Variants in KCNQ1 observed in about 807,000 individuals in gnomAD.
KCNQ1 encodes the protein potassium voltage-gated channel subfamily KQT member 1.
A neutral mutation model predicts 72.4 loss-of-function variants in KCNQ1; 49 were observed. The ratio of observed to expected loss-of-function variants is 0.68; its 90% confidence interval spans 0.54 to 0.86. The LOEUF is 0.86. Among genes scored for constraint, KCNQ1 ranks in the 40% least tolerant of loss-of-function variants. KCNQ1 has a pLI of 0.00. For synonymous variants in KCNQ1, 450 were observed against 412.6 expected (o/e 1.09, Z -1.10); for missense variants, 790 against 945.1 (o/e 0.84, Z 2.15).
Position 2,651,758 on chromosome 11 carries a change from C to A in KCNQ1, c.1394-10203C>A. 2.5e-6 allele frequency: 1 copy of A among 398,628 alleles called. No individual in the cohort carries two copies. The highest frequency in any genetic ancestry group is 2.1e-5 in the African/African-American group (1 of 48,724). The allele number at this position is 398,628 out of a possible 1,614,324, so 24.7% of individuals were successfully genotyped here. A position where few individuals can be genotyped will look rare whatever the true frequency, so the allele number is the denominator to read the frequency against. On this transcript the variant is annotated intron_variant, in intron 10 of 15. Coordinates refer to ENST00000155840, the MANE Select transcript of KCNQ1 (RefSeq NM_000218.3). The surrounding 1 kb of genome is among the most constrained non-coding windows in gnomAD (Gnocchi z 6.1). Reference sequence around the variant, plus strand: ...ACGTTTTCTCTGATTACTGGAAATTCCTCAAGTGTTGACCATTTTGATTCC... The same window carrying A: ...ACGTTTTCTCTGATTACTGGAAATTACTCAAGTGTTGACCATTTTGATTCC...
rs995307089 is a variant in KCNQ1 at position 2,579,894 on chromosome 11, G to A, written c.922-3541G>A. Among the ~76,000 whole-genome samples, 2 of 151,978 alleles carry A rather than the reference G, an allele frequency of 1.3e-5. No homozygotes were observed. Among genetic ancestry groups the A allele is most frequent in the Non-Finnish European group, 2.9e-5 (2 of 67,998 alleles). ...AAGGTGGTCTCGGGTGTCCTTACGC[G>A]AGCAGGTGGCTACCTCACCTGCTCA... is the stretch of plus-strand genomic sequence containing the variant. On this transcript the variant is annotated intron_variant, in intron 6 of 15. Coordinates refer to ENST00000155840, the MANE Select transcript of KCNQ1 (RefSeq NM_000218.3). This position sits in a 1 kb window ranked among gnomAD's most constrained non-coding sequence, Gnocchi z 6.0.
At chr11:2,810,302 T>A (rs1352857465) in intron 15 of KCNQ1, among the ~76,000 whole-genome samples, 1 of 152,222 alleles carries the variant, frequency 6.6e-6, no homozygotes, top group East Asian at 1.9e-4. Flanking sequence ...GTGGGCTCTT[T>A]GGAAACTTTA....
rs1002113292 is a variant in KCNQ1 at position 2,661,937 on chromosome 11, G to A, written c.1394-24G>A. The A allele has an allele frequency of 1.9e-6, 3 of 1,614,092 alleles. No homozygotes were observed. The highest frequency in any genetic ancestry group is 2.5e-6 in the Non-Finnish European group (3 of 1,180,034). ...GCAGGTTGGGTGGGAGGCCTAACGTGCTGTCCCCACACTTTCTCCTCAGTA... is the reference window on the plus strand; with the variant it reads ...GCAGGTTGGGTGGGAGGCCTAACGTACTGTCCCCACACTTTCTCCTCAGTA... On this transcript the variant is annotated intron_variant, in intron 10 of 15. Transcript: ENST00000155840. This position sits in a 1 kb window ranked among gnomAD's most constrained non-coding sequence, Gnocchi z 5.9.
At chr11:2,570,500 C>T (rs1203408928) in intron 2 of KCNQ1, 128 bp from the exon 3 acceptor site, 49 of 1,289,458 alleles carry the variant, frequency 3.8e-5, no homozygotes, top group East Asian at 1.5e-4. Flanking sequence ...GGCCAGGACC[C>T]GGGCCTGCTG....
intron 10 of KCNQ1, chr11:2,628,175 T>C (rs1172159681): frequency 7.5e-6 from 3 of 398,542 alleles, no homozygotes; most frequent in African/African-American, 4.1e-5. Flanking sequence ...CTGGATCATA[T>C]AGCAGTTCCA....
chr11:2,844,108 C>A (rs1020081971), intron 15 of KCNQ1, among the ~76,000 whole-genome samples: 1 of 151,890 alleles, frequency 6.6e-6, no homozygotes, highest in Non-Finnish European at 1.5e-5. Flanking sequence ...CCTCCATCGC[C>A]AAAAAAAACC....
chr11:2,448,729 T>A (rs1846079518), intron 1 of KCNQ1, among the ~76,000 whole-genome samples: 1 of 152,242 alleles, frequency 6.6e-6, no homozygotes, highest in African/African-American at 2.4e-5. Flanking sequence ...AAACTGGGAA[T>A]TCCTTTTGGG....
intron 10 of KCNQ1, chr11:2,631,296 C>T (rs950194621): frequency 2.5e-6 from 1 of 398,502 alleles, no homozygotes; most frequent in Non-Finnish European, 4.4e-6. Flanking sequence ...TTTTTCTCCT[C>T]TACTGGTTAT....
At chr11:2,552,252 A>T (rs1847994221) in intron 2 of KCNQ1, among the ~76,000 whole-genome samples, 1 of 151,630 alleles carries the variant, frequency 6.6e-6, no homozygotes, top group South Asian at 2.1e-4. Flanking sequence ...TAGATCTGTG[A>T]TTCATTTCGA....
chr11:2,708,834 C>T (rs530198591), intron 11 of KCNQ1, among the ~76,000 whole-genome samples: 1 of 152,234 alleles, frequency 6.6e-6, no homozygotes, highest in African/African-American at 2.4e-5. Flanking sequence ...TGTTCGAAGC[C>T]TGGCAACAGG....
intron 11 of KCNQ1, among the ~76,000 whole-genome samples, chr11:2,737,489 A>T (rs572941959): frequency 2.6e-5 from 4 of 152,354 alleles, no homozygotes; most frequent in African/African-American, 9.6e-5. Flanking sequence ...TGACTCACAG[A>T]GCAATAAAAT....
Position 2,509,177 on chromosome 11 carries a change from A to C in KCNQ1, c.387-18751A>C, listed in dbSNP as rs1259837789. Among the ~76,000 whole-genome samples, 5 of 152,236 alleles carry C rather than the reference A, an allele frequency of 3.3e-5. No individual in the cohort carries two copies. Among genetic ancestry groups the C allele is most frequent in the African/African-American group, 9.6e-5 (4 of 41,460 alleles). Reference sequence around the variant, plus strand: ...GCACACAGCACAGGTTGGGAGAGCAACTATCTCAAGGCTTTTATTTGCTGT... The same window carrying C: ...GCACACAGCACAGGTTGGGAGAGCACCTATCTCAAGGCTTTTATTTGCTGT... On this transcript the variant is annotated intron_variant, in intron 1 of 15. Coordinates refer to ENST00000155840, the MANE Select transcript of KCNQ1 (RefSeq NM_000218.3). The surrounding 1 kb of genome is among the most constrained non-coding windows in gnomAD (Gnocchi z 6.3).
chr11:2,743,562 C>T (rs1318751698), intron 11 of KCNQ1, among the ~76,000 whole-genome samples: 1 of 152,198 alleles, frequency 6.6e-6, no homozygotes, highest in African/African-American at 2.4e-5. Context: ...AGGGAAGGGG[C>T]TCGAATCCCT....
chr11:2,587,739 T>C (rs1238302706), intron 9 of KCNQ1, 47 bp downstream of exon 9: 1 of 1,612,612 alleles, frequency 6.2e-7, no homozygotes, highest in Admixed American at 1.7e-5. Context: ...TGCTAGCAGG[T>C]GGGGAGGCCG....
Position 2,768,791 on chromosome 11 carries a change from G to A in KCNQ1, c.1515-53G>A. 3 of 1,403,346 alleles carry A rather than the reference G, an allele frequency of 2.1e-6. No homozygotes were observed. The East Asian group carries it at 6.8e-5, about 32-fold the overall frequency. 86.9% of individuals were successfully genotyped at this position (1,403,346 alleles called of 1,614,324 possible). A position where few individuals can be genotyped will look rare whatever the true frequency, so the allele number is the denominator to read the frequency against. On this transcript the variant is annotated intron_variant, in intron 11 of 15. Coordinates refer to ENST00000155840, the MANE Select transcript of KCNQ1 (RefSeq NM_000218.3). This position sits in a 1 kb window ranked among gnomAD's most constrained non-coding sequence, Gnocchi z 6.7. ...TCAGGCAGTGCAGGGGCAGTGAGGG[G>A]ATGACCAGCACAGGGTGGCCACTCA...
chr11:2,587,443 T>TCCCAGACC, intron 8 of KCNQ1, 127 bp from the exon 9 acceptor site: 1 of 1,370,612 alleles, frequency 7.3e-7, no homozygotes, highest in Non-Finnish European at 1.0e-6. Context: ...GACTCTGAGG[T>TCCCAGACC]CCCAGACCCT....
At chr11:2,504,742 G>C (rs971626203) in intron 1 of KCNQ1, among the ~76,000 whole-genome samples, 2 of 152,202 alleles carry the variant, frequency 1.3e-5, no homozygotes, top group Non-Finnish European at 2.9e-5. Context: ...GGGTAACAGA[G>C]TGAGACTGTC....
intron 6 of KCNQ1, among the ~76,000 whole-genome samples, chr11:2,578,949 G>A (rs146165556): frequency 1.5e-3 from 223 of 152,328 alleles, no homozygotes; most frequent in African/African-American, 5.1e-3. Flanking sequence ...TTCCTCCTTC[G>A]TAGATGATCT....
chr11:2,563,378 G>A lies in KCNQ1; in HGVS notation c.478-7250G>A, dbSNP rs184804154. ...AAAATCCCAGATAAGCACCTGCTTT[G>A]CTAGACCCTTGCTGGCCCTCCGGCT... On this transcript the variant is annotated intron_variant, in intron 2 of 15. Coordinates refer to ENST00000155840, the MANE Select transcript of KCNQ1 (RefSeq NM_000218.3). The surrounding 1 kb of genome is among the most constrained non-coding windows in gnomAD (Gnocchi z 7.4). Among the ~76,000 whole-genome samples, 2 of 152,328 alleles carry A rather than the reference G, an allele frequency of 1.3e-5. No individual in the cohort carries two copies. Among genetic ancestry groups the A allele is most frequent in the East Asian group, 3.9e-4 (2 of 5,190 alleles).
Sources: gnomAD v4.1 joint callset for allele counts (sites outside exome capture counted in the v4.1 genomes callset) on GRCh38, gnomAD v4.1.1 for gene constraint, Gnocchi (gnomAD v3.1) non-coding constraint, MANE v1.5 for transcripts, NCBI Gene and HGNC (gene_info 2026-07-23, HGNC 2026-07-21) for gene names.